The following GMNC variants were observed in gnomAD, a reference collection of about 807,000 sequenced individuals.
The protein encoded by GMNC is geminin coiled-coil domain containing.
In GMNC, 16 loss-of-function variants were observed where a neutral mutation model predicts 33.6. The observed-to-expected ratio is 0.48, with a 90% CI of 0.32 to 0.72. GMNC has a LOEUF of 0.72. Among genes scored for constraint, GMNC ranks in the 30% least tolerant of loss-of-function variants. The pLI is 0.03. For synonymous variants in GMNC, 156 were observed against 147.3 expected (o/e 1.06, Z -0.43); for missense variants, 393 against 388.9 (o/e 1.01, Z -0.09).
At chr3:190,859,906 T>C (rs1737825608) in intron 2 of GMNC, 2 of 422,240 alleles carry the variant, frequency 4.7e-6, no homozygotes, top group South Asian at 1.7e-5. Context: ...TTCTTGGGCA[T>C]TTTGTTTTTA....
Position 190,852,833 on chromosome 3 carries a change from G to T in GMNC, c.*2462C>A, listed in dbSNP as rs1422145706. 1 of 152,084 alleles carries T rather than the reference G, an allele frequency of 6.6e-6. No homozygotes were observed. The highest frequency in any genetic ancestry group is 1.5e-5 in the Non-Finnish European group (1 of 67,972). The allele number at this position is 152,084 out of a possible 1,614,324, so 9.4% of individuals were successfully genotyped here. ...ACTATAGCTTAAAATATTAACTGTG[G>T]TTTACCAGAGAGACATGGTGAAGCC... On this transcript the variant is annotated 3_prime_UTR_variant, in exon 5 of 5. Transcript: ENST00000442080.
chr3:190,854,982 T>G lies in GMNC; in HGVS notation c.*313A>C. Reference sequence around the variant, plus strand: ...GTTAAACTGGTTAAAATTGGAAAAATGTATCTAGGTCTTAAAGGAATATAG... The same window carrying G: ...GTTAAACTGGTTAAAATTGGAAAAAGGTATCTAGGTCTTAAAGGAATATAG... On this transcript the variant is annotated 3_prime_UTR_variant, in exon 5 of 5. Transcript: ENST00000442080. 4.0e-6 allele frequency: 1 copy of G among 248,090 alleles called. No individual in the cohort carries two copies. The highest frequency in any genetic ancestry group is 8.8e-5 in the South Asian group (1 of 11,328). 15.4% of individuals were successfully genotyped at this position (248,090 alleles called of 1,614,324 possible). A position where few individuals can be genotyped will look rare whatever the true frequency, so the allele number is the denominator to read the frequency against.
chr3:190,851,328 C>T (rs1577908415), downstream of GMNC, among the ~76,000 whole-genome samples: 1 of 152,130 alleles, frequency 6.6e-6, no homozygotes, highest in African/African-American at 2.4e-5. Context: ...AGACCTTATC[C>T]CATGTTGGTT....
chr3:190,857,939 T>C (rs1444771457), intron 3 of GMNC, 40 bp from the exon 4 acceptor site: 1 of 1,075,792 alleles, frequency 9.3e-7, no homozygotes. Flanking sequence ...CTCCACTATA[T>C]TGACTTTGTA....
At chr3:190,857,929 C>T (rs1560037344) in intron 3 of GMNC, 30 bp from the exon 4 acceptor site, 1 of 1,165,960 alleles carries the variant, frequency 8.6e-7, no homozygotes, top group Non-Finnish European at 1.3e-6. Context: ...GTGAAGGCTG[C>T]TCCACTATAT....
the GMNC span, among the ~76,000 whole-genome samples, chr3:190,845,656 T>A: frequency 6.6e-6 from 1 of 151,528 alleles, no homozygotes; most frequent in African/African-American, 2.4e-5. Context: ...ATTACAGACA[T>A]ATGCCACCAC....
intron 2 of GMNC, chr3:190,859,730 G>T: frequency 5.1e-6 from 2 of 390,394 alleles, no homozygotes; most frequent in Non-Finnish European, 5.1e-6. Context: ...AAAAACTATG[G>T]TTGGGCATAC....
At position 190,855,049 on chromosome 3, in the gene GMNC, G is replaced by C. The variant is rs1337221340; in HGVS notation, c.*246C>G. 2 of 501,906 alleles carry C rather than the reference G, an allele frequency of 4.0e-6. No individual in the cohort carries two copies. Among genetic ancestry groups the C allele is most frequent in the East Asian group, 3.4e-5 (1 of 29,054 alleles). 31.1% of individuals were successfully genotyped at this position (501,906 alleles called of 1,614,324 possible). A position where few individuals can be genotyped will look rare whatever the true frequency, so the allele number is the denominator to read the frequency against. On this transcript the variant is annotated 3_prime_UTR_variant, in exon 5 of 5. Coordinates refer to ENST00000442080, the MANE Select transcript of GMNC (RefSeq NM_001146686.3). ...CCTTATCAAGTATAGGGCAAAGAGA[G>C]GATGTCAATAGCAGGTATTGGTGTG...
At chr3:190,850,229 C>T (rs1264424089), downstream of GMNC, among the ~76,000 whole-genome samples, 1 of 152,212 alleles carries the variant, frequency 6.6e-6, no homozygotes, top group Non-Finnish European at 1.5e-5. Context: ...TTCCTCCATA[C>T]TTTACACTTC....
chr3:190,856,816 T>G (rs1269435455), intron 4 of GMNC, among the ~76,000 whole-genome samples: 2 of 151,936 alleles, frequency 1.3e-5, no homozygotes, highest in African/African-American at 4.8e-5. Context: ...TTATTAAGAC[T>G]GACAGATAAA....
rs1737658232 is a variant in GMNC, at chr3:190,852,905, A to C, written c.*2390T>G. ...AGGTGAAAGAAATGTTTAATTTCTA[A>C]AACATGAACAAAATAATTTTCTATA... is the stretch of plus-strand genomic sequence containing the variant. On this transcript the variant is annotated 3_prime_UTR_variant, in exon 5 of 5. Transcript: ENST00000442080. 1 of 152,170 alleles carries C rather than the reference A, an allele frequency of 6.6e-6. No individual in the cohort carries two copies. The highest frequency in any genetic ancestry group is 6.6e-5 in the Admixed American group (1 of 15,264). The allele number at this position is 152,170 out of a possible 1,614,324, so 9.4% of individuals were successfully genotyped here. A position where few individuals can be genotyped will look rare whatever the true frequency, so the allele number is the denominator to read the frequency against.
In GMNC at chr3:190,855,310, G is replaced by A; in HGVS notation, c.990C>T (p.Val330=). The A allele has an allele frequency of 1.3e-6, 2 of 1,551,370 alleles. No individual in the cohort carries two copies. The highest frequency in any genetic ancestry group is 1.7e-6 in the Non-Finnish European group (2 of 1,146,730). The change falls in exon 5 of 5, where the codon GTC becomes GTT. Residue 330 remains valine (V), a synonymous_variant. Coordinates refer to ENST00000442080, the MANE Select transcript of GMNC (RefSeq NM_001146686.3). ...DEEGGWKFTW[V]PKQS is the part of the protein sequence containing the mutation. ...AGAGGGGTCACTAAGACTGCTTAGG[G>A]ACCCAGGTAAACTTCCAGCCTCCCT...
intron 1 of GMNC, 140 bp from the exon 2 acceptor site, chr3:190,860,998 T>C (rs1737854081): frequency 1.7e-6 from 1 of 580,448 alleles, no homozygotes; most frequent in Non-Finnish European, 2.9e-6. Context: ...GTGTTAAGTA[T>C]AGATCCATAT....
downstream of GMNC, among the ~76,000 whole-genome samples, chr3:190,849,606 G>T (rs1737603390): frequency 6.6e-6 from 1 of 152,136 alleles, no homozygotes; most frequent in Non-Finnish European, 1.5e-5. Flanking sequence ...TAGTCATTTG[G>T]TATTAAGGAC....
chr3:190,861,895 C>T lies in GMNC; in HGVS notation c.3+718G>A, dbSNP rs988887655. Among the ~76,000 whole-genome samples, 1 of 152,078 alleles carries T rather than the reference C, an allele frequency of 6.6e-6. No homozygotes were observed. The highest frequency in any genetic ancestry group is 2.4e-5 in the African/African-American group (1 of 41,404). On this transcript the variant is annotated intron_variant, in intron 1 of 4. Transcript: ENST00000442080. This position sits in a 1 kb window ranked among gnomAD's most constrained non-coding sequence, Gnocchi z 5.1. ...TTAGCAGAGCCCAGCTTTGGAAAAA[C>T]TCTTTTTGACTACTACAGGGCTTCT...
At chr3:190,843,282 A>G in the GMNC span, among the ~76,000 whole-genome samples, 18 of 152,210 alleles carry the variant, frequency 1.2e-4, no homozygotes, top group East Asian at 3.5e-3. Flanking sequence ...TGAACGTGTT[A>G]CAGTAGTCAT....
rs914614175 is a variant in GMNC, at chr3:190,855,801, T to C, written c.499A>G (p.Lys167Glu). Residue 167 changes from lysine (K) to glutamate (E), a missense_variant, in exon 5 of 5, where the codon AAA becomes GAA. Transcript: ENST00000442080. ...GCAAATTCACTAGAGAGGTTTCTTT[T>C]GGCATTTTTGGGATGGGGAATCTCA... is the stretch of plus-strand genomic sequence containing the variant. Reference protein sequence around the residue: ...PAEIPHPKNAKRNLSSEFANC... With the variant: ...PAEIPHPKNAERNLSSEFANC... The C allele has an allele frequency of 1.6e-5, 25 of 1,551,390 alleles. No homozygotes were observed. The highest frequency in any genetic ancestry group is 2.4e-5 in the East Asian group (1 of 40,928).
At chr3:190,850,419 G>A (rs558730760), downstream of GMNC, among the ~76,000 whole-genome samples, 8 of 152,290 alleles carry the variant, frequency 5.3e-5, no homozygotes, top group South Asian at 2.1e-4. Flanking sequence ...TGCTGGTTCC[G>A]GATGAAGCCT....
chr3:190,859,715 C>T, intron 2 of GMNC: 1 of 367,548 alleles, frequency 2.7e-6, no homozygotes, highest in South Asian at 2.2e-5. Context: ...CTCTATCTAT[C>T]AATAAAAAAC....
Sources: allele counts gnomAD v4.1 joint callset (sites outside exome capture counted in the v4.1 genomes callset), GRCh38; gene constraint gnomAD v4.1.1; non-coding constraint Gnocchi (gnomAD v3.1); transcripts MANE v1.5; gene names NCBI Gene and HGNC (gene_info 2026-07-23, HGNC 2026-07-21).